Variants in CCDC141 observed in about 807,000 individuals in gnomAD.
CCDC141 encodes coiled-coil domain-containing protein 141.
A neutral mutation model predicts 181.0 loss-of-function variants in CCDC141; 168 were observed. The ratio of observed to expected loss-of-function variants is 0.93; its 90% CI spans 0.82 to 1.05. CCDC141 has a LOEUF of 1.05. Among genes scored for constraint, CCDC141 ranks in the 50% least tolerant of loss-of-function variants. The pLI, the probability that CCDC141 is intolerant of heterozygous loss-of-function variation, is 0.00. For synonymous variants in CCDC141, 666 were observed against 642.3 expected (o/e 1.04, Z -0.56); for missense variants, 1,902 against 1,788.5 (o/e 1.06, Z -1.14).
At chr2:178,867,408 T>C (rs994663512) in intron 16 of CCDC141, among the ~76,000 whole-genome samples, 4 of 152,230 alleles carry the variant, frequency 2.6e-5, no homozygotes, top group African/African-American at 7.2e-5. Flanking sequence ...TAACCAACTA[T>C]GTCCAAATAT....
rs191314151 is a variant in CCDC141 at position 178,966,685 on chromosome 2, G to C, written c.527-5202C>G. ...GGCTGAAAATTCCAAAAACCCGAATGCTGCTTCTCCTCCAAAGGATCAAAA... is the reference window on the plus strand; with the variant it reads ...GGCTGAAAATTCCAAAAACCCGAATCCTGCTTCTCCTCCAAAGGATCAAAA... On this transcript the variant is annotated intron_variant, in intron 4 of 23. Transcript: ENST00000443758. Among the ~76,000 whole-genome samples, 133 of 152,216 alleles carry C rather than the reference G, an allele frequency of 8.7e-4. No homozygotes were observed. In the East Asian group the frequency reaches 0.019, roughly 22 times the overall value.
rs539130893 is a variant in CCDC141 at position 179,047,007 on chromosome 2, T to A, written c.225+277A>T. Among the ~76,000 whole-genome samples the A allele has an allele frequency of 1.6e-3, 242 of 152,342 alleles. 1 individual carries two copies. Among genetic ancestry groups the A allele is most frequent in the African/African-American group, 5.7e-3 (238 of 41,582 alleles). On this transcript the variant is annotated intron_variant, in intron 2 of 23. Transcript: ENST00000443758. Reference sequence around the variant, plus strand: ...GAAATGAAAAAATGATGGAGTTTTTTTCCCACTGAGGCAGCCAGGAAAAAA... The same window carrying A: ...GAAATGAAAAAATGATGGAGTTTTTATCCCACTGAGGCAGCCAGGAAAAAA...
intron 7 of CCDC141, chr2:178,915,848 A>G (rs934945934): frequency 1.3e-5 from 2 of 152,152 alleles, no homozygotes; most frequent in Non-Finnish European, 2.9e-5. Context: ...TTTGCTGTAA[A>G]ACTACAGATT....
intron 1 of CCDC141, among the ~76,000 whole-genome samples, chr2:179,048,755 G>C (rs531196136): frequency 6.6e-5 from 10 of 152,284 alleles, no homozygotes; most frequent in South Asian, 6.2e-4. Context: ...CTGTGGGAGA[G>C]AAGTCTCACA....
downstream of CCDC141, among the ~76,000 whole-genome samples, chr2:178,827,838 T>G (rs1181589040): frequency 6.6e-6 from 1 of 152,190 alleles, no homozygotes; most frequent in Non-Finnish European, 1.5e-5. Flanking sequence ...AACAGAAATG[T>G]ATTCTTTCAT....
intron 8 of CCDC141, among the ~76,000 whole-genome samples, chr2:178,904,748 A>G (rs1687879709): frequency 6.6e-6 from 1 of 151,954 alleles, no homozygotes; most frequent in Non-Finnish European, 1.5e-5. Context: ...CTCTCTCTTC[A>G]TGCCCACTAA....
chr2:178,834,319 C>A lies in CCDC141; in HGVS notation c.4447G>T (p.Ala1483Ser). 1.3e-6 allele frequency: 2 copies of A among 1,535,892 alleles called. No homozygotes were observed. The highest frequency in any genetic ancestry group is 1.7e-6 in the Non-Finnish European group (2 of 1,146,838). The change falls in exon 24 of 24, where the codon GCC becomes TCC. Residue 1483 changes from alanine (A) to serine (S), a missense_variant. Physicochemically the swap from Ala to Ser is moderately conservative, Grantham distance 99 (BLOSUM62 1). Transcript: ENST00000443758. ...KADAGLYVAR[A>S]QNSSGALSSN... ...GAGAGAGCGCCGCTAGAGTTTTGGG[C>A]CCGAGCCACATAGAGGCCTGCGTCT...
intron 1 of CCDC141, among the ~76,000 whole-genome samples, chr2:179,048,507 AT>A (rs1166321358): frequency 6.6e-6 from 1 of 152,168 alleles, no homozygotes; most frequent in Non-Finnish European, 1.5e-5. Context: ...TTATCCTCTA[AT>A]ATTATTCCTC....
chr2:178,837,347 T>G lies in CCDC141; in HGVS notation c.3872A>C (p.Tyr1291Ser), dbSNP rs750741270. 4 of 1,614,062 alleles carry G rather than the reference T, an allele frequency of 2.5e-6. No individual in the cohort carries two copies. The highest frequency in any genetic ancestry group is 3.4e-6 in the Non-Finnish European group (4 of 1,179,962). ...TGGGGGCTCAGCTTTGAACTGGAGGTAAGGCCTCTCAAAATGACTTGAAAA... is the reference window on the plus strand; with the variant it reads ...TGGGGGCTCAGCTTTGAACTGGAGGGAAGGCCTCTCAAAATGACTTGAAAA... ...ETFSSHFERP[Y>S]LQFKAEPPLT... The change falls in exon 23 of 24, where the codon TAC becomes TCC. Residue 1291 changes from tyrosine to serine, a missense_variant. Coordinates refer to ENST00000443758, the MANE Select transcript of CCDC141 (RefSeq NM_173648.4).
chr2:178,903,964 G>A lies in CCDC141; in HGVS notation c.1265+1365C>T, dbSNP rs752993981. Among the ~76,000 whole-genome samples, 9 of 152,112 alleles carry A rather than the reference G, an allele frequency of 5.9e-5. No homozygotes were observed. The East Asian group carries it at 1.2e-3, about 20-fold the overall frequency. ...CATCATATGACTCAAATCAATGTCC[G>A]ACATGTACCCCGAGTCCAGGCACAA... On this transcript the variant is annotated intron_variant, in intron 8 of 23. Coordinates refer to ENST00000443758, the MANE Select transcript of CCDC141 (RefSeq NM_173648.4).
chr2:178,964,599 G>A (rs1223674851), intron 4 of CCDC141, among the ~76,000 whole-genome samples: 1 of 152,214 alleles, frequency 6.6e-6, no homozygotes, highest in East Asian at 1.9e-4. Context: ...GAGTCAGTCT[G>A]TTACCTGCTA....
At chr2:178,856,236 C>G (rs201940919) in intron 18 of CCDC141, 21 bp downstream of exon 18, 2 of 1,589,760 alleles carry the variant, frequency 1.3e-6, no homozygotes, top group Non-Finnish European at 1.7e-6. Flanking sequence ...CGCACATATA[C>G]AAACCATACT....
intron 8 of CCDC141, among the ~76,000 whole-genome samples, chr2:178,893,799 T>TCTCACA (rs1473539323): frequency 1.4e-5 from 2 of 143,724 alleles, no homozygotes; most frequent in East Asian, 2.0e-4. Flanking sequence ...TCTCTCTCTC[T>TCTCACA]CACACACACA....
chr2:178,966,056 C>T (rs887880306), intron 4 of CCDC141, among the ~76,000 whole-genome samples: 1 of 152,202 alleles, frequency 6.6e-6, no homozygotes, highest in East Asian at 1.9e-4. Context: ...CTGCTGTGGC[C>T]AGACTGCCAT....
intron 11 of CCDC141, among the ~76,000 whole-genome samples, 152 bp from the exon 12 acceptor site, chr2:178,878,295 A>AT (rs1158369845): frequency 2.1e-4 from 19 of 91,572 alleles, no homozygotes; most frequent in Non-Finnish European, 3.2e-4. Flanking sequence ...TTATTTATTT[A>AT]TTTATTTTAT....
At chr2:178,852,223 G>A (rs748906675) in intron 20 of CCDC141, among the ~76,000 whole-genome samples, 14 of 152,146 alleles carry the variant, frequency 9.2e-5, no homozygotes, top group African/African-American at 3.1e-4. Flanking sequence ...CTTGCAGGAC[G>A]GGAAGGGAAT....
downstream of CCDC141, among the ~76,000 whole-genome samples, chr2:178,828,843 T>C (rs537297645): frequency 6.6e-6 from 1 of 152,318 alleles, no homozygotes; most frequent in South Asian, 2.1e-4. Flanking sequence ...TTTTTTATAC[T>C]CAAAAGATTT....
chr2:179,015,734 T>TATATATCTC (rs2042503560), intron 2 of CCDC141, among the ~76,000 whole-genome samples: 2 of 133,076 alleles, frequency 1.5e-5, no homozygotes, highest in Admixed American at 8.1e-5. Flanking sequence ...ATATATCTCA[T>TATATATCTC]ATATATATCT....
At chr2:179,030,977 G>T (rs1316249996) in intron 2 of CCDC141, among the ~76,000 whole-genome samples, 2 of 151,936 alleles carry the variant, frequency 1.3e-5, no homozygotes, top group African/African-American at 4.8e-5. Context: ...AAAAGATTTA[G>T]TCTTCTTTAT....
Sources: allele counts gnomAD v4.1 joint callset (sites outside exome capture counted in the v4.1 genomes callset), GRCh38; gene constraint gnomAD v4.1.1; transcripts MANE v1.5; gene names NCBI Gene and HGNC (gene_info 2026-07-23, HGNC 2026-07-21).